IL13RA1: variants seen among roughly 807,000 people sequenced by gnomAD.
IL13RA1 encodes interleukin-13 receptor subunit alpha-1.
A neutral mutation model predicts 33.8 loss-of-function variants in IL13RA1; 14 were observed. The observed-to-expected ratio is 0.41, with a 90% CI of 0.27 to 0.65. IL13RA1 has a LOEUF of 0.65. Among genes scored for constraint, IL13RA1 ranks in the 30% least tolerant of loss-of-function variants. The pLI is 0.28. For synonymous variants in IL13RA1, 116 were observed against 115.7 expected, an observed-to-expected ratio of 1.00 and a Z score of -0.02; for missense variants, 313 against 327.0, an observed-to-expected ratio of 0.96 and a Z score of 0.33.
At chrX:118,777,637 T>C (rs1001296126) in intron 10 of IL13RA1, among the ~76,000 whole-genome samples, 13 of 111,524 alleles carry the variant, frequency 1.2e-4, no homozygotes, top group Non-Finnish European at 1.9e-5. Flanking sequence ...ATGTTGTTTC[T>C]TGGAAGGCTA....
At chrX:118,770,610 C>A in intron 8 of IL13RA1, 1 of 464,839 alleles carries the variant, frequency 2.2e-6, no homozygotes, top group Non-Finnish European at 3.9e-6. Context: ...TCCGCCAGGG[C>A]AACTACTCAG....
intron 10 of IL13RA1, among the ~76,000 whole-genome samples, chrX:118,781,895 G>T (rs1380083112): frequency 9.0e-6 from 1 of 111,358 alleles, no homozygotes; most frequent in Non-Finnish European, 1.9e-5. Flanking sequence ...CCTGCCATCT[G>T]CACTTATTTC....
chrX:118,751,180 T>C (rs2017466300), intron 4 of IL13RA1, among the ~76,000 whole-genome samples: 1 of 112,391 alleles, frequency 8.9e-6, no homozygotes, highest in South Asian at 3.7e-4. Context: ...TTGGTATTTG[T>C]GACTATATCT....
At chrX:118,736,434 T>G (rs143286582) in intron 1 of IL13RA1, among the ~76,000 whole-genome samples, 96 of 110,651 alleles carry the variant, frequency 8.7e-4, no homozygotes, top group African/African-American at 3.2e-3. Flanking sequence ...GGATTTGCTG[T>G]TTTTTGTTAT....
intron 2 of IL13RA1, among the ~76,000 whole-genome samples, chrX:118,745,413 C>G (rs981273852): frequency 3.6e-5 from 4 of 110,433 alleles, no homozygotes; most frequent in African/African-American, 1.3e-4. Context: ...TGCTCACAGA[C>G]ATTTCTTTTT....
At chrX:118,799,423 GTC>G (rs2018052200), downstream of IL13RA1, among the ~76,000 whole-genome samples, 1 of 113,399 alleles carries the variant, frequency 8.8e-6, no homozygotes, top group East Asian at 2.8e-4. Flanking sequence ...GAGCTCCTGA[GTC>G]TGGTGGGGAC....
downstream of IL13RA1, among the ~76,000 whole-genome samples, chrX:118,797,814 A>G (rs1201096546): frequency 1.8e-5 from 2 of 111,470 alleles, no homozygotes; most frequent in Non-Finnish European, 3.8e-5. Context: ...CCATGTAGGA[A>G]GTGTGAGAAG....
chrX:118,784,133 A>ATATACG lies in IL13RA1; in HGVS notation c.1192-7625_1192-7624insCGTATA, dbSNP rs1569459431. 4.9e-4 allele frequency among the ~76,000 whole-genome samples: 40 copies of ATATACG among 81,893 alleles called. 2 individuals carry two copies. Among genetic ancestry groups the ATATACG allele is most frequent in the African/African-American group, 1.8e-3 (34 of 18,953 alleles). 71.1% of individuals were successfully genotyped at this position (81,893 alleles called of 115,157 possible). A position where few individuals can be genotyped will look rare whatever the true frequency, so the allele number is the denominator to read the frequency against. The stretch of plus-strand genomic sequence containing the variant: ...TACGTATATATGTATATATATGTAT[A>ATATACG]TATATATATATATACGTATATACAC... On this transcript the variant is annotated intron_variant, in intron 10 of 10. Coordinates refer to ENST00000371666, the MANE Select transcript of IL13RA1 (RefSeq NM_001560.3).
intron 1 of IL13RA1, among the ~76,000 whole-genome samples, chrX:118,731,532 A>G (rs1277355068): frequency 9.5e-6 from 1 of 105,616 alleles, no homozygotes; most frequent in African/African-American, 3.5e-5. Flanking sequence ...AGCTAAGATC[A>G]CACCAGCGCA....
intron 4 of IL13RA1, among the ~76,000 whole-genome samples, chrX:118,753,676 A>G (rs2017494889): frequency 8.8e-6 from 1 of 113,143 alleles, no homozygotes; most frequent in Non-Finnish European, 1.9e-5. Context: ...ACAGGTGTGT[A>G]CCACCATGCC....
At chrX:118,739,298 T>C (rs1198497174) in intron 1 of IL13RA1, among the ~76,000 whole-genome samples, 1 of 112,019 alleles carries the variant, frequency 8.9e-6, no homozygotes, top group Non-Finnish European at 1.9e-5. Flanking sequence ...TAAAATTGAC[T>C]GTTAGAGAAA....
At chrX:118,751,911 A>G (rs1436118434) in intron 4 of IL13RA1, among the ~76,000 whole-genome samples, 2 of 109,124 alleles carry the variant, frequency 1.8e-5, no homozygotes, top group East Asian at 5.8e-4. Flanking sequence ...AAAAAAAAAA[A>G]AAAAAAAAGT....
At chrX:118,799,705 G>A in the IL13RA1 span, among the ~76,000 whole-genome samples, 177 of 71,836 alleles carry the variant, frequency 2.5e-3, no homozygotes, top group African/African-American at 9.7e-3. Flanking sequence ...CTCAGGGATT[G>A]TAAACACACC....
chrX:118,757,524 CAA>C (rs1166805158), intron 4 of IL13RA1, among the ~76,000 whole-genome samples: 1 of 32,699 alleles, frequency 3.1e-5, no homozygotes. Context: ...GACTCTGTCT[CAA>C]AAAAAAAAAA....
At chrX:118,803,967 T>C in the IL13RA1 span, among the ~76,000 whole-genome samples, 1 of 104,296 alleles carries the variant, frequency 9.6e-6, no homozygotes, top group African/African-American at 3.5e-5. Flanking sequence ...TCTTTCTTTT[T>C]TTTTTTTTGA....
chrX:118,728,073 C>T (rs998947102), intron 1 of IL13RA1, among the ~76,000 whole-genome samples: 1 of 112,741 alleles, frequency 8.9e-6, no homozygotes, highest in Non-Finnish European at 1.9e-5. Context: ...CGAAACATGC[C>T]CACGGCGTCA....
intron 8 of IL13RA1, chrX:118,770,794 G>A: frequency 3.2e-6 from 1 of 315,077 alleles, no homozygotes; most frequent in Non-Finnish European, 6.1e-6. Context: ...TACTGGCTTT[G>A]TCATGCTGGT....
chrX:118,734,070 G>A (rs560191994), intron 1 of IL13RA1, among the ~76,000 whole-genome samples: 6 of 111,514 alleles, frequency 5.4e-5, no homozygotes, highest in East Asian at 2.8e-4. Context: ...TTGTTTTTCC[G>A]TTTCAAGACT....
At chrX:118,782,684 A>T (rs984554247) in intron 10 of IL13RA1, among the ~76,000 whole-genome samples, 1 of 109,224 alleles carries the variant, frequency 9.2e-6, no homozygotes, top group Non-Finnish European at 1.9e-5. Context: ...TGCAGCCTCA[A>T]CCTCCTGGGC....
Sources: gnomAD v4.1 joint callset for allele counts (sites outside exome capture counted in the v4.1 genomes callset) on GRCh38, gnomAD v4.1.1 for gene constraint, MANE v1.5 for transcripts, NCBI Gene and HGNC (gene_info 2026-07-23, HGNC 2026-07-21) for gene names.